Variants in AGAP1 observed in about 807,000 individuals in gnomAD.
The protein encoded by AGAP1 is ArfGAP with GTPase domain, ankyrin repeat and PH domain 1.
AGAP1 carries 29 observed loss-of-function variants against 105.3 expected under a neutral mutation model. The ratio of observed to expected loss-of-function variants is 0.28; its 90% CI spans 0.21 to 0.38. AGAP1 has a LOEUF of 0.38. Ranked by LOEUF, AGAP1 falls within the 10% of genes least tolerant of loss-of-function variation. AGAP1 has a pLI of 1.00. For synonymous variants in AGAP1, 509 were observed against 485.9 expected (o/e 1.05, Z -0.63); for missense variants, 998 against 1,165.1 (o/e 0.86, Z 2.09).
chr2:235,547,699 G>T (rs1943672310), intron 1 of AGAP1, among the ~76,000 whole-genome samples: 1 of 152,190 alleles, frequency 6.6e-6, no homozygotes, highest in African/African-American at 2.4e-5. Flanking sequence ...TGCCATGTTG[G>T]CCAGGCTGGT....
chr2:235,677,899 T>A (rs1948832580), intron 1 of AGAP1, among the ~76,000 whole-genome samples: 2 of 99,100 alleles, frequency 2.0e-5, no homozygotes, highest in African/African-American at 3.9e-5. Context: ...CCCCATTAGC[T>A]CTTTACCAAA....
intron 1 of AGAP1, among the ~76,000 whole-genome samples, chr2:235,532,237 A>T (rs6737639): frequency 0.011 from 1,655 of 152,138 alleles, 32 homozygotes; most frequent in African/African-American, 0.038. Context: ...GTTTTTTTCT[A>T]AGACAAAGTC....
Position 235,900,089 on chromosome 2 carries a change from A to G in AGAP1, c.1156-8649A>G, listed in dbSNP as rs62190916. Among the ~76,000 whole-genome samples the G allele has an allele frequency of 0.35, 52,782 of 152,096 alleles. 9,615 individuals carry two copies. Among genetic ancestry groups the G allele is most frequent in the Admixed American group, 0.47 (7,158 of 15,292 alleles). ...GAGAAGTCTGCTTTTGCCATCATGT[A>G]GGGACTCTCCACTGTACATGAAGCT... On this transcript the variant is annotated intron_variant, in intron 10 of 17. Transcript: ENST00000304032. This position sits in a 1 kb window ranked among gnomAD's most constrained non-coding sequence, Gnocchi z 5.5.
intron 1 of AGAP1, among the ~76,000 whole-genome samples, chr2:235,595,745 A>G (rs980742182): frequency 6.9e-4 from 105 of 152,194 alleles, no homozygotes; most frequent in Non-Finnish European, 7.3e-5. Flanking sequence ...CCGATGATTG[A>G]TGTGAAATTA....
intron 6 of AGAP1, among the ~76,000 whole-genome samples, chr2:235,776,275 G>C (rs1298008946): frequency 6.6e-6 from 1 of 152,144 alleles, no homozygotes; most frequent in Non-Finnish European, 1.5e-5. Flanking sequence ...GGTCAGGACT[G>C]GTGTTGCCTC....
intron 9 of AGAP1, among the ~76,000 whole-genome samples, chr2:235,848,454 G>C (rs1280804781): frequency 6.6e-6 from 1 of 152,176 alleles, no homozygotes; most frequent in Non-Finnish European, 1.5e-5. Context: ...TACCATATCA[G>C]AACATGCTTA....
At chr2:236,054,567 G>A (rs1014748834) in intron 16 of AGAP1, among the ~76,000 whole-genome samples, 1 of 151,554 alleles carries the variant, frequency 6.6e-6, no homozygotes, top group Non-Finnish European at 1.5e-5. Flanking sequence ...TCCATCTGCA[G>A]TTGGGTGGCA....
At chr2:235,579,933 G>A (rs531048460) in intron 1 of AGAP1, among the ~76,000 whole-genome samples, 1 of 152,232 alleles carries the variant, frequency 6.6e-6, no homozygotes, top group Admixed American at 6.5e-5. Context: ...AGCACCTGAC[G>A]ACCGCCAGTC....
rs778963144 is a variant in AGAP1 at position 235,687,847 on chromosome 2, A to AT, written c.164-21322dup. 4.2e-3 allele frequency among the ~76,000 whole-genome samples: 445 copies of AT among 106,864 alleles called. 1 individual carries two copies. Among genetic ancestry groups the AT allele is most frequent in the South Asian group, 5.5e-3 (18 of 3,302 alleles). The allele number at this position is 106,864 out of a possible 152,430, so 70.1% of individuals were successfully genotyped here. A position where few individuals can be genotyped will look rare whatever the true frequency, so the allele number is the denominator to read the frequency against. ...CTTTGGTAGAAGGATGTGTTCCTGG[A>AT]TTTTTTTTTTCTTTTTTTTTTGGAT... On this transcript the variant is annotated intron_variant, in intron 1 of 17. Transcript: ENST00000304032.
chr2:236,029,664 A>G (rs992612386), intron 13 of AGAP1, among the ~76,000 whole-genome samples: 2 of 151,852 alleles, frequency 1.3e-5, no homozygotes, highest in Admixed American at 6.6e-5. Context: ...GCAGAAAAAT[A>G]TATTTTGTTC....
chr2:236,098,751 A>G (rs1048369100), intron 16 of AGAP1, among the ~76,000 whole-genome samples: 1 of 149,750 alleles, frequency 6.7e-6, no homozygotes, highest in East Asian at 2.1e-4. Flanking sequence ...CAGCCTCCCC[A>G]GTAGCTGGGA....
intron 9 of AGAP1, among the ~76,000 whole-genome samples, chr2:235,822,923 C>T (rs973487598): frequency 6.6e-6 from 1 of 152,202 alleles, no homozygotes; most frequent in Non-Finnish European, 1.5e-5. Context: ...TCCCTTCAGG[C>T]CATGCCAATA....
chr2:236,107,181 G>A (rs1202721177), intron 16 of AGAP1, among the ~76,000 whole-genome samples: 2 of 129,254 alleles, frequency 1.5e-5, no homozygotes, highest in African/African-American at 5.9e-5. Context: ...TTGAATCATT[G>A]AGCCTCCAGA....
At chr2:235,748,457 A>T (rs536581505) in intron 5 of AGAP1, among the ~76,000 whole-genome samples, 2 of 152,368 alleles carry the variant, frequency 1.3e-5, no homozygotes, top group African/African-American at 4.8e-5. Flanking sequence ...ATGTTGTGAA[A>T]TGCAAGTCAG....
rs1346290307 is a variant in AGAP1, at chr2:236,105,615, G to A, written c.2115-14577G>A. Among the ~76,000 whole-genome samples the A allele has an allele frequency of 6.7e-6, 1 of 148,358 alleles. No homozygotes were observed. The highest frequency in any genetic ancestry group is 2.5e-5 in the African/African-American group (1 of 39,814). On this transcript the variant is annotated intron_variant, in intron 16 of 17. Transcript: ENST00000304032. The surrounding 1 kb of genome is among the most constrained non-coding windows in gnomAD (Gnocchi z 4.2). Reference sequence around the variant, plus strand: ...CTGTCACCCAGGCTGCAGTGCAGTGGCGTGAACTCGGCTCACTGCAACCTC... The same window carrying A: ...CTGTCACCCAGGCTGCAGTGCAGTGACGTGAACTCGGCTCACTGCAACCTC...
intron 10 of AGAP1, among the ~76,000 whole-genome samples, chr2:235,897,762 A>G (rs2050875896): frequency 6.6e-6 from 1 of 152,166 alleles, no homozygotes; most frequent in Non-Finnish European, 1.5e-5. Flanking sequence ...GTCATGAGGA[A>G]TGTTCTTTTA....
rs1480275530 is a variant in AGAP1 at position 235,901,063 on chromosome 2, C to T, written c.1156-7675C>T. Among the ~76,000 whole-genome samples the T allele has an allele frequency of 2.0e-5, 3 of 152,190 alleles. No homozygotes were observed. Among genetic ancestry groups the T allele is most frequent in the Non-Finnish European group, 4.4e-5 (3 of 68,042 alleles). Reference sequence around the variant, plus strand: ...GGCCAGAAGATTTTTCATAGTTTTACAATATTTTCACAGTATTTTTAGGAG... The same window carrying T: ...GGCCAGAAGATTTTTCATAGTTTTATAATATTTTCACAGTATTTTTAGGAG... On this transcript the variant is annotated intron_variant, in intron 10 of 17. Coordinates refer to ENST00000304032, the MANE Select transcript of AGAP1 (RefSeq NM_001037131.3). This position sits in a 1 kb window ranked among gnomAD's most constrained non-coding sequence, Gnocchi z 4.3.
At position 235,639,875 on chromosome 2, in the gene AGAP1, G is replaced by C. The variant is rs1027955024; in HGVS notation, c.164-69304G>C. Among the ~76,000 whole-genome samples, 7 of 151,996 alleles carry C rather than the reference G, an allele frequency of 4.6e-5. No homozygotes were observed. Among genetic ancestry groups the C allele is most frequent in the African/African-American group, 1.7e-4 (7 of 41,458 alleles). On this transcript the variant is annotated intron_variant, in intron 1 of 17. Coordinates refer to ENST00000304032, the MANE Select transcript of AGAP1 (RefSeq NM_001037131.3). This position sits in a 1 kb window ranked among gnomAD's most constrained non-coding sequence, Gnocchi z 5.3. ...GTCTTGAGGGGTCCACGGATTGATA[G>C]AGTCAGCAGGGATGGACAGTTTCCC... is the stretch of plus-strand genomic sequence containing the variant.
chr2:235,769,970 C>G lies in AGAP1; in HGVS notation c.673+19482C>G, dbSNP rs766761290. ...ATGTTTCATATATTAGCAAGTGTAT[C>G]TCATATCTTCTGAATACACACATTT... On this transcript the variant is annotated intron_variant, in intron 6 of 17. Coordinates refer to ENST00000304032, the MANE Select transcript of AGAP1 (RefSeq NM_001037131.3). This position sits in a 1 kb window ranked among gnomAD's most constrained non-coding sequence, Gnocchi z 4.4. 2.4e-4 allele frequency among the ~76,000 whole-genome samples: 37 copies of G among 152,166 alleles called. No homozygotes were observed. Among genetic ancestry groups the G allele is most frequent in the Admixed American group, 5.2e-4 (8 of 15,282 alleles).
Sources: allele counts gnomAD v4.1 joint callset (sites outside exome capture counted in the v4.1 genomes callset), GRCh38; gene constraint gnomAD v4.1.1; non-coding constraint Gnocchi (gnomAD v3.1); transcripts MANE v1.5; gene names NCBI Gene and HGNC (gene_info 2026-07-23, HGNC 2026-07-21).